The following RGS20 variants were observed in gnomAD, a reference collection of about 807,000 sequenced individuals.
RGS20 encodes the protein gz-selective GTPase-activating protein.
RGS20 carries 30 observed loss-of-function variants against 33.6 expected under a neutral mutation model. The ratio of observed to expected loss-of-function variants is 0.89; its 90% CI spans 0.67 to 1.21. The LOEUF (loss-of-function observed/expected upper bound fraction) is 1.21. RGS20 is among the 50% of genes most tolerant of loss of function. RGS20 has a pLI of 0.00. For missense variants in RGS20, 472 were observed against 502.4 expected (o/e 0.94, Z 0.58); for synonymous variants, 208 against 197.9 (o/e 1.05, Z -0.43).
intron 4 of RGS20, among the ~76,000 whole-genome samples, chr8:53,950,106 C>T (rs546175011): frequency 1.3e-5 from 2 of 152,064 alleles, no homozygotes; most frequent in African/African-American, 2.4e-5. Flanking sequence ...TCCCAAAGTG[C>T]TAGGATTACA....
chr8:53,887,734 T>G (rs1468976574), intron 2 of RGS20, among the ~76,000 whole-genome samples: 1 of 152,182 alleles, frequency 6.6e-6, no homozygotes, highest in Non-Finnish European at 1.5e-5. Flanking sequence ...TCCCACACTT[T>G]AGGAGGCCAA....
intron 1 of RGS20, among the ~76,000 whole-genome samples, chr8:53,869,268 G>A (rs1811999129): frequency 6.6e-6 from 1 of 152,138 alleles, no homozygotes; most frequent in Non-Finnish European, 1.5e-5. Context: ...TAAAAAGTGG[G>A]GAGAAAGCAC....
At chr8:53,923,132 G>T (rs1813697055) in intron 2 of RGS20, among the ~76,000 whole-genome samples, 1 of 151,716 alleles carries the variant, frequency 6.6e-6, no homozygotes, top group South Asian at 2.1e-4. Flanking sequence ...ATATTAAGGT[G>T]TATATGTATT....
intron 3 of RGS20, among the ~76,000 whole-genome samples, chr8:53,942,826 T>TAA (rs60067329): frequency 6.4e-5 from 8 of 125,596 alleles, no homozygotes; most frequent in Non-Finnish European, 1.0e-4. Flanking sequence ...ATGTCTCCAC[T>TAA]AAAAAAAAAA....
At chr8:53,940,721 C>T (rs1371030054) in intron 3 of RGS20, among the ~76,000 whole-genome samples, 1 of 152,208 alleles carries the variant, frequency 6.6e-6, no homozygotes, top group Non-Finnish European at 1.5e-5. Flanking sequence ...TACCGATGGT[C>T]TCTTCATTCC....
intron 1 of RGS20, chr8:53,879,180 T>C: frequency 8.5e-7 from 1 of 1,169,970 alleles, no homozygotes; most frequent in Non-Finnish European, 1.2e-6. Flanking sequence ...TTCAAAATTC[T>C]GTAGTAAAGA....
At chr8:53,881,063 C>A (rs753536710) in intron 2 of RGS20, 60 of 1,547,478 alleles carry the variant, frequency 3.9e-5, no homozygotes, top group Non-Finnish European at 4.9e-5. Context: ...CCTCCCCGGC[C>A]GGCAGGGTGG....
At chr8:53,869,293 A>C (rs1418233678) in intron 1 of RGS20, among the ~76,000 whole-genome samples, 1 of 152,102 alleles carries the variant, frequency 6.6e-6, no homozygotes, top group African/African-American at 2.4e-5. Context: ...AGATCTTGGA[A>C]TCTTAGGACT....
chr8:53,880,603 C>G (rs975908847), intron 2 of RGS20, among the ~76,000 whole-genome samples: 3 of 152,230 alleles, frequency 2.0e-5, no homozygotes, highest in Non-Finnish European at 4.4e-5. Flanking sequence ...ACACTCTAGT[C>G]TCGCTCGGCC....
intron 1 of RGS20, among the ~76,000 whole-genome samples, chr8:53,859,158 A>G (rs1811751686): frequency 6.6e-6 from 1 of 152,212 alleles, no homozygotes; most frequent in African/African-American, 2.4e-5. Context: ...TAAGAATCCC[A>G]AAGACTAGAG....
chr8:53,957,796 T>C, intron 5 of RGS20, among the ~76,000 whole-genome samples: 1 of 152,238 alleles, frequency 6.6e-6, no homozygotes, highest in East Asian at 1.9e-4. Flanking sequence ...ATTATGCTTT[T>C]GGTTTCTCTT....
intron 2 of RGS20, among the ~76,000 whole-genome samples, chr8:53,891,218 T>A (rs1812702368): frequency 6.6e-6 from 1 of 152,240 alleles, no homozygotes; most frequent in Non-Finnish European, 1.5e-5. Context: ...AAGAACTCTC[T>A]TACTCAGAAA....
intron 2 of RGS20, among the ~76,000 whole-genome samples, chr8:53,918,535 C>T (rs1421204594): frequency 6.6e-6 from 1 of 151,894 alleles, no homozygotes. Flanking sequence ...CTACAGGTGC[C>T]CACCACCACA....
intron 4 of RGS20, among the ~76,000 whole-genome samples, chr8:53,952,697 G>A (rs558806260): frequency 1.3e-5 from 2 of 152,264 alleles, no homozygotes; most frequent in African/African-American, 4.8e-5. Flanking sequence ...TTGTACTCCA[G>A]CCTGGGCAAC....
At chr8:53,919,758 A>G (rs1412576032) in intron 2 of RGS20, among the ~76,000 whole-genome samples, 5 of 151,962 alleles carry the variant, frequency 3.3e-5, no homozygotes. Flanking sequence ...TCTAAAAAGA[A>G]AACAAAACAG....
intron 3 of RGS20, among the ~76,000 whole-genome samples, chr8:53,940,610 GT>G (rs1372936834): frequency 6.6e-6 from 1 of 152,254 alleles, no homozygotes; most frequent in African/African-American, 2.4e-5. Flanking sequence ...GCCCGGGGAA[GT>G]TTGGTGGCTC....
intron 1 of RGS20, among the ~76,000 whole-genome samples, chr8:53,861,294 T>C (rs982128540): frequency 1.3e-5 from 2 of 152,190 alleles, no homozygotes; most frequent in African/African-American, 2.4e-5. Flanking sequence ...CCTCAGCCCC[T>C]AGGGGACACA....
At position 53,909,254 on chromosome 8, in the gene RGS20, T is replaced by TAC. The variant is rs1554520839; in HGVS notation, c.510+29653_510+29654dup. On this transcript the variant is annotated intron_variant, in intron 2 of 5. Transcript: ENST00000297313. ...ATATATATATATATATATATATATA[T>TAC]ACTTTTTTTTTTTGAGACAGGGTCT... is the stretch of plus-strand genomic sequence containing the variant. 3.4e-4 allele frequency among the ~76,000 whole-genome samples: 37 copies of TAC among 107,832 alleles called. No individual in the cohort carries two copies. In the East Asian group the frequency reaches 6.6e-3, roughly 19 times the overall value. 70.7% of individuals were successfully genotyped at this position (107,832 alleles called of 152,430 possible).
intron 3 of RGS20, among the ~76,000 whole-genome samples, chr8:53,941,246 G>T (rs993873421): frequency 4.6e-5 from 7 of 152,222 alleles, no homozygotes; most frequent in Non-Finnish European, 1.0e-4. Context: ...CAACACTTCT[G>T]TAGTACTTAG....
Sources: allele counts gnomAD v4.1 joint callset (sites outside exome capture counted in the v4.1 genomes callset), GRCh38; gene constraint gnomAD v4.1.1; transcripts MANE v1.5; gene names NCBI Gene and HGNC (gene_info 2026-07-23, HGNC 2026-07-21).